The following AKR1E2 variants were observed in gnomAD, a reference collection of about 807,000 sequenced individuals.
The protein encoded by AKR1E2 is 1,5-anhydro-D-fructose reductase.
A neutral mutation model predicts 41.9 loss-of-function variants in AKR1E2; 43 were observed. That is an observed-to-expected ratio of 1.03 (90% confidence interval 0.80 to 1.32). AKR1E2 has a LOEUF of 1.32. AKR1E2 is among the 40% of genes most tolerant of loss of function. The probability of loss-of-function intolerance (pLI) is 0.00; values close to 1 mark genes in which losing one functional copy is unlikely to be tolerated. For synonymous variants in AKR1E2, 121 were observed against 138.9 expected (o/e 0.87, Z 0.91); for missense variants, 423 against 396.5 (o/e 1.07, Z -0.57).
At chr10:4,834,503 C>T (rs1030266902) in intron 3 of AKR1E2, among the ~76,000 whole-genome samples, 3 of 152,204 alleles carry the variant, frequency 2.0e-5, no homozygotes, top group Non-Finnish European at 4.4e-5. Context: ...CTGTATTACA[C>T]TCATTGCCAG....
intron 3 of AKR1E2, 39 bp from the exon 4 acceptor site, chr10:4,835,636 T>G (rs140037599): frequency 1.2e-6 from 2 of 1,603,668 alleles, no homozygotes; most frequent in East Asian, 4.5e-5. Context: ...TGTTTTGTTT[T>G]GTTTTGTTTT....
At chr10:4,834,190 T>C (rs972393011) in intron 3 of AKR1E2, among the ~76,000 whole-genome samples, 1 of 152,220 alleles carries the variant, frequency 6.6e-6, no homozygotes, top group Non-Finnish European at 1.5e-5. Flanking sequence ...AGGGATGTTC[T>C]TCCTACAATG....
chr10:4,826,594 G>A (rs1285294298), intron 1 of AKR1E2, among the ~76,000 whole-genome samples: 1 of 152,172 alleles, frequency 6.6e-6, no homozygotes, highest in Admixed American at 6.5e-5. Flanking sequence ...TCTGGGAGAA[G>A]CGGGAACCTC....
Position 4,841,806 on chromosome 10 carries a change from C to A in AKR1E2, c.702C>A (p.Asp234Glu). ...GGSCEGVDLI[D>E]NPVIKRIAKE... Reference sequence around the variant, plus strand: ...CTAGTGAGGGGGTTGACCTGATAGACAACCCTGTGATCAAGAGGATTGCAA... The same window carrying A: ...CTAGTGAGGGGGTTGACCTGATAGAAAACCCTGTGATCAAGAGGATTGCAA... The change falls in exon 7 of 10, where the codon GAC (aspartate) becomes GAA (glutamate). Residue 234 changes from aspartate to glutamate, a missense_variant. Asp to Glu is a conservative substitution (Grantham distance 45). Transcript: ENST00000298375. The A allele has an allele frequency of 6.2e-7, 1 of 1,613,156 alleles. No homozygotes were observed. Among genetic ancestry groups the A allele is most frequent in the Non-Finnish European group, 8.5e-7 (1 of 1,179,564 alleles).
the AKR1E2 span, among the ~76,000 whole-genome samples, chr10:4,862,102 T>C: frequency 6.6e-6 from 1 of 152,212 alleles, no homozygotes; most frequent in Non-Finnish European, 1.5e-5. Flanking sequence ...TGAATTAGTT[T>C]TTGTATAAGG....
Position 4,847,705 on chromosome 10 carries a change from C to T in AKR1E2, c.*175C>T. On this transcript the variant is annotated 3_prime_UTR_variant, in exon 10 of 10. Transcript: ENST00000298375. ...ACAAATCTGGAGAATTGAGTGTGTTCTAAGTGAAGGCAATGGGGTTTCTCC... is the reference window on the plus strand; with the variant it reads ...ACAAATCTGGAGAATTGAGTGTGTTTTAAGTGAAGGCAATGGGGTTTCTCC... The T allele has an allele frequency of 1.4e-6, 1 of 701,374 alleles. No homozygotes were observed. Among genetic ancestry groups the T allele is most frequent in the Non-Finnish European group, 2.4e-6 (1 of 413,214 alleles). The allele number at this position is 701,374 out of a possible 1,614,324, so 43.4% of individuals were successfully genotyped here. A position where few individuals can be genotyped will look rare whatever the true frequency, so the allele number is the denominator to read the frequency against.
intron 8 of AKR1E2, among the ~76,000 whole-genome samples, chr10:4,846,648 C>T (rs1422870732): frequency 2.6e-5 from 4 of 151,622 alleles, no homozygotes; most frequent in Non-Finnish European, 5.9e-5. Flanking sequence ...TGGGTTCAAG[C>T]GGTTCTCCTG....
chr10:4,845,744 G>A (rs1329651997), intron 8 of AKR1E2: 1 of 471,014 alleles, frequency 2.1e-6, no homozygotes, highest in Non-Finnish European at 4.4e-6. Flanking sequence ...CGGGGACCTT[G>A]GGCCCAGCTG....
At chr10:4,847,253 A>G in intron 9 of AKR1E2, 23 bp downstream of exon 9, 1 of 1,613,546 alleles carries the variant, frequency 6.2e-7, no homozygotes, top group Non-Finnish European at 8.5e-7. Flanking sequence ...CCTTCTTTTT[A>G]AAACAGAGGG....
At chr10:4,826,793 G>A (rs2131477400) in intron 1 of AKR1E2, among the ~76,000 whole-genome samples, 1 of 152,270 alleles carries the variant, frequency 6.6e-6, no homozygotes, top group African/African-American at 2.4e-5. Flanking sequence ...AAGAAAAGTT[G>A]GGGCCGGGCG....
intron 1 of AKR1E2, among the ~76,000 whole-genome samples, chr10:4,826,717 G>A (rs1832546740): frequency 6.6e-6 from 1 of 152,160 alleles, no homozygotes; most frequent in East Asian, 1.9e-4. Context: ...GCCGAGGGGA[G>A]GCCTTGGCGG....
At chr10:4,848,078 CTTTT>C (rs60725002), downstream of AKR1E2, 5 of 131,516 alleles carry the variant, frequency 3.8e-5, no homozygotes, top group Non-Finnish European at 4.9e-5. Context: ...ATTTTAATTT[CTTTT>C]TTTTTTTTTT....
the AKR1E2 span, among the ~76,000 whole-genome samples, chr10:4,873,012 C>G: frequency 1.3e-5 from 2 of 152,114 alleles, no homozygotes; most frequent in Admixed American, 1.3e-4. Flanking sequence ...ACAGGCCTGA[C>G]ATATGTCAGT....
At chr10:4,870,984 CTT>C in the AKR1E2 span, among the ~76,000 whole-genome samples, 1 of 152,098 alleles carries the variant, frequency 6.6e-6, no homozygotes, top group African/African-American at 2.4e-5. Flanking sequence ...TCTTCTGTCT[CTT>C]TTCTCCCTGT....
At chr10:4,846,769 C>T (rs80291792) in intron 8 of AKR1E2, among the ~76,000 whole-genome samples, 5,308 of 152,288 alleles carry the variant, frequency 0.035, 150 homozygotes, top group East Asian at 0.11. Context: ...TGGTCTCAAA[C>T]TCCTGACCTC....
chr10:4,849,971 G>A (rs17133794), downstream of AKR1E2, among the ~76,000 whole-genome samples: 5,219 of 152,320 alleles, frequency 0.034, 148 homozygotes, highest in East Asian at 0.11. Context: ...AGCAAAAATA[G>A]GCAAACACTG....
At chr10:4,857,663 T>C in the AKR1E2 span, among the ~76,000 whole-genome samples, 15 of 152,202 alleles carry the variant, frequency 9.9e-5, no homozygotes, top group Non-Finnish European at 1.8e-4. Context: ...ACCCGCTATA[T>C]GCCCACAGAA....
the AKR1E2 span, among the ~76,000 whole-genome samples, chr10:4,864,011 C>G: frequency 2.2e-4 from 34 of 152,182 alleles, no homozygotes; most frequent in African/African-American, 8.2e-4. Context: ...GACGGATTCA[C>G]AGCTGAATTC....
downstream of AKR1E2, among the ~76,000 whole-genome samples, chr10:4,850,632 T>C (rs1306978179): frequency 6.6e-6 from 1 of 152,234 alleles, no homozygotes; most frequent in Non-Finnish European, 1.5e-5. Flanking sequence ...TTGTTACAGC[T>C]GTTTTAGTGG....
Sources: gnomAD v4.1 joint callset for allele counts (sites outside exome capture counted in the v4.1 genomes callset) on GRCh38, gnomAD v4.1.1 for gene constraint, MANE v1.5 for transcripts, NCBI Gene and HGNC (gene_info 2026-07-23, HGNC 2026-07-21) for gene names.